ANLN: variants seen among roughly 807,000 people sequenced by gnomAD.
The protein encoded by ANLN is anillin.
Under a neutral mutation model 135.1 loss-of-function variants are expected in ANLN, and 59 were observed. That is an observed-to-expected ratio of 0.44 (90% CI 0.35 to 0.54). ANLN has a LOEUF of 0.54. Ranked by LOEUF, ANLN falls within the 20% of genes least tolerant of loss-of-function variation. The pLI, the probability that ANLN is intolerant of heterozygous loss-of-function variation, is 0.00. For synonymous variants in ANLN, 406 were observed against 456.4 expected, an observed-to-expected ratio of 0.89 and a Z score of 1.41; for missense variants, 1,182 against 1,340.0, an observed-to-expected ratio of 0.88 and a Z score of 1.84.
At chr7:36,431,452 A>G (rs1788301792) in intron 20 of ANLN, among the ~76,000 whole-genome samples, 1 of 151,614 alleles carries the variant, frequency 6.6e-6, no homozygotes. Flanking sequence ...AATAGAAATG[A>G]CAGACACTTC....
In ANLN at chr7:36,410,662, C is replaced by T. The variant is rs11976268; in HGVS notation, c.1245C>T (p.Asp415=). ...TCCAAGAAAGATTATTCAAGCAAGA[C>T]ACATCTTCATCTACTACCCATTTAG... is the stretch of plus-strand genomic sequence containing the variant. ...KAIQERLFKQ[D]TSSSTTHLAQ... The change falls in exon 6 of 24, where the codon GAC becomes GAT. Residue 415 remains aspartate (D), a synonymous_variant. Coordinates refer to ENST00000265748, the MANE Select transcript of ANLN (RefSeq NM_018685.5). The T allele has an allele frequency of 1.6e-3, 2,560 of 1,614,104 alleles. 41 individuals are homozygous for T. The African/African-American group carries it at 0.029, about 18-fold the overall frequency.
intron 2 of ANLN, among the ~76,000 whole-genome samples, chr7:36,397,046 A>G (rs1176469222): frequency 6.6e-6 from 1 of 152,178 alleles, no homozygotes. Context: ...CCTGGAGTGT[A>G]GAATAGTCTG....
intron 20 of ANLN, among the ~76,000 whole-genome samples, chr7:36,429,991 G>A (rs3801309): frequency 0.5 from 75,682 of 151,992 alleles, 19,165 homozygotes; most frequent in East Asian, 0.64. Flanking sequence ...GATACAGTAC[G>A]ATTTAGAAGT....
chr7:36,437,493 G>A (rs1467369198), intron 20 of ANLN, among the ~76,000 whole-genome samples: 4 of 152,138 alleles, frequency 2.6e-5, no homozygotes, highest in African/African-American at 4.8e-5. Context: ...TGCAATGAAC[G>A]TGAGAGTGCA....
rs566018352 is a variant in ANLN at position 36,399,160 on chromosome 7, A to G, written c.254A>G (p.Lys85Arg). 6.2e-7 allele frequency: 1 copy of G among 1,614,206 alleles called. No individual in the cohort carries two copies. Among genetic ancestry groups the G allele is most frequent in the South Asian group, 1.1e-5 (1 of 91,086 alleles). Residue 85 changes from lysine (K) to arginine (R), a missense_variant, in exon 3 of 24, where the codon AAA becomes AGA. By Grantham distance (26) the Lys-to-Arg change is conservative. This residue lies in a region of ANLN where 1,022 missense variants were observed against 1,134.0 expected (regional missense o/e 0.90). Coordinates refer to ENST00000265748, the MANE Select transcript of ANLN (RefSeq NM_018685.5). Reference protein sequence around the residue: ...TEVEVSNLENKQPVESTSAKS... With the variant: ...TEVEVSNLENRQPVESTSAKS... The stretch of plus-strand genomic sequence containing the variant: ...GTAGAAGTTTCTAACTTGGAAAATA[A>G]ACAACCAGTTGAGTCGACATCTGCA...
intron 20 of ANLN, among the ~76,000 whole-genome samples, chr7:36,430,648 A>G (rs1054615392): frequency 6.6e-6 from 1 of 152,192 alleles, no homozygotes; most frequent in Non-Finnish European, 1.5e-5. Flanking sequence ...TAAAACAACC[A>G]ATTAGGATTA....
At chr7:36,423,428 ATC>A (rs1238592426) in intron 14 of ANLN, among the ~76,000 whole-genome samples, 3 of 152,160 alleles carry the variant, frequency 2.0e-5, no homozygotes, top group Non-Finnish European at 2.9e-5. Context: ...ATTATCATTT[ATC>A]TCTGAGTAAC....
rs771783937 is a variant in ANLN, at chr7:36,449,670, C to T, written c.3084C>T (p.Pro1028=). 5.0e-6 allele frequency: 8 copies of T among 1,606,984 alleles called. No homozygotes were observed. The highest frequency in any genetic ancestry group is 6.8e-6 in the Non-Finnish European group (8 of 1,176,134). ...TYPDDEKRKN[P]IGRINLANCT... ...CTCTTAATTTGTTTTTAAAGAATCCCATAGGAAGGATAAATCTGGCTAATT... is the reference window on the plus strand; with the variant it reads ...CTCTTAATTTGTTTTTAAAGAATCCTATAGGAAGGATAAATCTGGCTAATT... The change falls in exon 23 of 24, where the codon CCC becomes CCT. Residue 1028 remains proline, a synonymous_variant. Transcript: ENST00000265748.
chr7:36,421,381 T>G (rs951274850), intron 12 of ANLN, among the ~76,000 whole-genome samples: 5 of 152,006 alleles, frequency 3.3e-5, no homozygotes, highest in Non-Finnish European at 7.4e-5. Flanking sequence ...AAAAAAAATA[T>G]TTTAATTATA....
chr7:36,445,288 A>G (rs1006727725), intron 22 of ANLN, among the ~76,000 whole-genome samples: 10 of 148,428 alleles, frequency 6.7e-5, no homozygotes, highest in Non-Finnish European at 1.2e-4. Flanking sequence ...TTTGAGCATC[A>G]TGTTGACTCT....
Position 36,410,800 on chromosome 7 carries a change from T to A in ANLN, c.1287+96T>A, listed in dbSNP as rs1162837525. On this transcript the variant is annotated intron_variant, in intron 6 of 23. Transcript: ENST00000265748. Reference sequence around the variant, plus strand: ...CTGATGCCAGTCTTTTTGACTGAGATAAGTAGCATCTTGGTTTTCTGTATC... The same window carrying A: ...CTGATGCCAGTCTTTTTGACTGAGAAAAGTAGCATCTTGGTTTTCTGTATC... The A allele has an allele frequency of 3.9e-6, 5 of 1,279,576 alleles. No individual in the cohort carries two copies. The Admixed American group carries it at 1.2e-4, about 29-fold the overall frequency. The allele number at this position is 1,279,576 out of a possible 1,614,324, so 79.3% of individuals were successfully genotyped here. A position where few individuals can be genotyped will look rare whatever the true frequency, so the allele number is the denominator to read the frequency against.
Position 36,411,087 on chromosome 7 carries a change from GT to G in ANLN, c.1317del (p.Gly440AlafsTer22). The G allele has an allele frequency of 6.2e-7, 1 of 1,609,598 alleles. No individual in the cohort carries two copies. Among genetic ancestry groups the G allele is most frequent in the Non-Finnish European group, 8.5e-7 (1 of 1,179,128 alleles). ...QERQKELACL[R>X]GRFDKGNIWS... is the part of the protein sequence containing the mutation. The stretch of plus-strand genomic sequence containing the variant: ...CGTCAAAAAGAACTAGCATGTCTTC[GT>G]GGCCGATTTGACAAGGGCAATATAT... On this transcript the variant is annotated frameshift_variant, in exon 7 of 24. Transcript: ENST00000265748. LOFTEE classifies it high-confidence loss of function.
In ANLN at chr7:36,439,310, C is replaced by G; in HGVS notation, c.2970+20C>G. 7.8e-7 allele frequency: 1 copy of G among 1,289,322 alleles called. No individual in the cohort carries two copies. Among genetic ancestry groups the G allele is most frequent in the Non-Finnish European group, 1.1e-6 (1 of 917,720 alleles). 79.9% of individuals were successfully genotyped at this position (1,289,322 alleles called of 1,614,324 possible). A position where few individuals can be genotyped will look rare whatever the true frequency, so the allele number is the denominator to read the frequency against. On this transcript the variant is annotated intron_variant, in intron 21 of 23. Transcript: ENST00000265748. ...TTTCTAGTAAGTAACATCACTTAGT[C>G]TTTAACTTCCTTTTTTCCATTTTGT...
Position 36,417,151 on chromosome 7 carries a change from T to G in ANLN, c.1594T>G (p.Leu532Val), listed in dbSNP as rs751268332. Residue 532 changes from leucine to valine, a missense_variant, in exon 9 of 24, where the codon TTA becomes GTA. Physicochemically the swap from Leu to Val is conservative, Grantham distance 32. Coordinates refer to ENST00000265748, the MANE Select transcript of ANLN (RefSeq NM_018685.5). ...ITLFLEEDKS[L>V]KVTSDPKVEQ... ...ATTGTTTTTAGAAGAGGACAAATCC[T>G]TAAAAGTAACATCAGACCCAAAGGT... 1 of 1,609,016 alleles carries G rather than the reference T, an allele frequency of 6.2e-7. No homozygotes were observed. The highest frequency in any genetic ancestry group is 8.5e-7 in the Non-Finnish European group (1 of 1,178,192).
intron 20 of ANLN, among the ~76,000 whole-genome samples, chr7:36,436,167 A>G (rs1788542776): frequency 1.3e-5 from 2 of 152,154 alleles, no homozygotes; most frequent in African/African-American, 4.8e-5. Context: ...TTTGGTTTCT[A>G]TGGACATATC....
intron 9 of ANLN, among the ~76,000 whole-genome samples, chr7:36,419,009 G>A (rs1225231533): frequency 2.0e-5 from 3 of 151,880 alleles, no homozygotes; most frequent in Admixed American, 6.6e-5. Context: ...TGCCCACCTT[G>A]GCCTCCCAAA....
intron 3 of ANLN, 133 bp downstream of exon 3, chr7:36,399,526 T>C: frequency 1.2e-6 from 1 of 822,154 alleles, no homozygotes; most frequent in Non-Finnish European, 1.8e-6. Context: ...TATCCTTTGC[T>C]TGCATATGGT....
intron 20 of ANLN, among the ~76,000 whole-genome samples, chr7:36,437,695 G>C (rs1276295213): frequency 6.6e-6 from 1 of 151,794 alleles, no homozygotes; most frequent in Non-Finnish European, 1.5e-5. Flanking sequence ...TATCATATCT[G>C]AAAATCCATT....
intron 3 of ANLN, among the ~76,000 whole-genome samples, chr7:36,404,115 C>T (rs1365521744): frequency 1.3e-5 from 2 of 152,122 alleles, no homozygotes; most frequent in South Asian, 2.1e-4. Context: ...AGTTTGCAGG[C>T]GCCCGTCACC....
Sources: allele counts gnomAD v4.1 joint callset (sites outside exome capture counted in the v4.1 genomes callset), GRCh38; gene constraint gnomAD v4.1.1; regional missense constraint gnomAD v4.1.1; transcripts MANE v1.5; gene names NCBI Gene and HGNC (gene_info 2026-07-23, HGNC 2026-07-21).